The following GNAO1 variants were observed in gnomAD, a reference collection of about 807,000 sequenced individuals.
GNAO1 encodes G protein subunit alpha o1, also known as guanine nucleotide-binding protein G(o) subunit alpha.
For missense variants in GNAO1, 166 were observed against 478.7 expected, an observed-to-expected ratio of 0.35 and a Z score of 6.10; for synonymous variants, 164 against 180.7, an observed-to-expected ratio of 0.91 and a Z score of 0.74.
intron 2 of GNAO1, among the ~76,000 whole-genome samples, chr16:56,232,712 ATG>A (rs1224415093): frequency 6.6e-6 from 1 of 152,190 alleles, no homozygotes; most frequent in Non-Finnish European, 1.5e-5. Flanking sequence ...TTATACAGTT[ATG>A]GCTTTTTGTT....
At chr16:56,264,240 T>C (rs545261964) in intron 2 of GNAO1, among the ~76,000 whole-genome samples, 9 of 152,352 alleles carry the variant, frequency 5.9e-5, no homozygotes, top group African/African-American at 2.2e-4. Context: ...AGTCACGATA[T>C]CTGTAATCTA....
chr16:56,315,763 G>A (rs894483819), intron 3 of GNAO1, among the ~76,000 whole-genome samples: 2 of 152,036 alleles, frequency 1.3e-5, no homozygotes. Flanking sequence ...GTGAGCAGGG[G>A]CCAGGCACAG....
At chr16:56,244,359 CTT>C (rs2036722045) in intron 2 of GNAO1, among the ~76,000 whole-genome samples, 1 of 143,282 alleles carries the variant, frequency 7.0e-6, no homozygotes, top group South Asian at 2.2e-4. Flanking sequence ...ATGGATAACA[CTT>C]AGCATAAAAA....
chr16:56,338,053 G>A (rs553420715), intron 6 of GNAO1, among the ~76,000 whole-genome samples: 1 of 152,274 alleles, frequency 6.6e-6, no homozygotes, highest in East Asian at 1.9e-4. Flanking sequence ...CTGTTTCCTC[G>A]TCATTTCTGG....
intron 6 of GNAO1, chr16:56,346,744 C>T: frequency 1.0e-6 from 1 of 985,732 alleles, no homozygotes. Flanking sequence ...CACAGCCCAG[C>T]TCCCACTGGC....
intron 2 of GNAO1, among the ~76,000 whole-genome samples, chr16:56,239,041 G>T (rs55800187): frequency 0.017 from 2,641 of 152,294 alleles, 48 homozygotes; most frequent in South Asian, 0.053. Flanking sequence ...ATCTCTGGAA[G>T]ATTTTTCCTT....
chr16:56,328,374 C>G (rs983351917), intron 3 of GNAO1, among the ~76,000 whole-genome samples: 1 of 152,258 alleles, frequency 6.6e-6, no homozygotes, highest in Non-Finnish European at 1.5e-5. Context: ...CCCCAGAAAA[C>G]TCTGGGGCCC....
intron 3 of GNAO1, 132 bp downstream of exon 3, chr16:56,276,204 G>T: frequency 1.4e-6 from 1 of 728,522 alleles, no homozygotes; most frequent in South Asian, 2.6e-5. Flanking sequence ...ATATATGGTG[G>T]CACAGTCACC....
rs1221053918 is a variant in GNAO1, at chr16:56,326,169, G to A, written c.304-2462G>A. 3.3e-5 allele frequency among the ~76,000 whole-genome samples: 5 copies of A among 152,180 alleles called. No individual in the cohort carries two copies. Among genetic ancestry groups the A allele is most frequent in the East Asian group, 1.9e-4 (1 of 5,180 alleles). Reference sequence around the variant, plus strand: ...CCTCTTCCTGTCGCTGGGACATCTCGCAGTGCCACTCTGCTGGTGCACACC... The same window carrying A: ...CCTCTTCCTGTCGCTGGGACATCTCACAGTGCCACTCTGCTGGTGCACACC... On this transcript the variant is annotated intron_variant, in intron 3 of 8. Coordinates refer to ENST00000262493, the MANE Select transcript of GNAO1 (RefSeq NM_020988.3). This position sits in a 1 kb window ranked among gnomAD's most constrained non-coding sequence, Gnocchi z 4.8.
intron 6 of GNAO1, among the ~76,000 whole-genome samples, chr16:56,338,703 G>T (rs1246627120): frequency 6.6e-6 from 1 of 152,250 alleles, no homozygotes; most frequent in Non-Finnish European, 1.5e-5. Flanking sequence ...CGGCCATGGG[G>T]CTGGGCTCTC....
At chr16:56,291,773 T>C (rs2037235055) in intron 3 of GNAO1, among the ~76,000 whole-genome samples, 1 of 152,138 alleles carries the variant, frequency 6.6e-6, no homozygotes, top group African/African-American at 2.4e-5. Flanking sequence ...ACCAGCAGAT[T>C]TGCTGTCTGG....
chr16:56,202,854 G>A (rs2036292678), intron 2 of GNAO1, among the ~76,000 whole-genome samples: 1 of 152,206 alleles, frequency 6.6e-6, no homozygotes, highest in South Asian at 2.1e-4. Context: ...CACCTATTAT[G>A]CATTAGGCAC....
chr16:56,242,302 T>A (rs2036701109), intron 2 of GNAO1, among the ~76,000 whole-genome samples: 1 of 152,206 alleles, frequency 6.6e-6, no homozygotes, highest in African/African-American at 2.4e-5. Context: ...GTGCCTTCTT[T>A]GTAGAAATTG....
At position 56,192,035 on chromosome 16, in the gene GNAO1, G is replaced by A. The variant is rs1305645299; in HGVS notation, c.-201G>A. 3 of 579,426 alleles carry A rather than the reference G, an allele frequency of 5.2e-6. No homozygotes were observed. Among genetic ancestry groups the A allele is most frequent in the East Asian group, 2.9e-5 (1 of 34,910 alleles). The allele number at this position is 579,426 out of a possible 1,614,324, so 35.9% of individuals were successfully genotyped here. A position where few individuals can be genotyped will look rare whatever the true frequency, so the allele number is the denominator to read the frequency against. On this transcript the variant is annotated 5_prime_UTR_variant, in exon 1 of 9. Transcript: ENST00000262493. ...CCCAGACCCCTGCCAGCTGCCGCGA[G>A]TCTCCGCTGCTGGAATCTTGTTAGC...
chr16:56,299,643 C>T (rs2037322119), intron 3 of GNAO1, among the ~76,000 whole-genome samples: 2 of 152,204 alleles, frequency 1.3e-5, no homozygotes, highest in African/African-American at 4.8e-5. Flanking sequence ...TTCTAAAAGC[C>T]TCCTGATCAC....
chr16:56,349,763 C>T (rs2037904337), intron 6 of GNAO1, among the ~76,000 whole-genome samples: 1 of 152,138 alleles, frequency 6.6e-6, no homozygotes, highest in Non-Finnish European at 1.5e-5. Context: ...CGCTGCCCTC[C>T]GCCGACCAAC....
At chr16:56,232,001 C>T (rs1206883962) in intron 2 of GNAO1, among the ~76,000 whole-genome samples, 1 of 152,158 alleles carries the variant, frequency 6.6e-6, no homozygotes, top group Admixed American at 6.5e-5. Context: ...AGGAGGGGGG[C>T]CCAGACCATC....
intron 4 of GNAO1, among the ~76,000 whole-genome samples, chr16:56,334,364 A>T (rs573452774): frequency 6.6e-6 from 1 of 152,348 alleles, no homozygotes; most frequent in Admixed American, 6.5e-5. Flanking sequence ...TACACATGAA[A>T]CATGGTTACA....
intron 2 of GNAO1, among the ~76,000 whole-genome samples, chr16:56,207,617 G>C: frequency 6.6e-6 from 1 of 152,110 alleles, no homozygotes; most frequent in Non-Finnish European, 1.5e-5. Context: ...TGATTATTCA[G>C]CAAATATTTA....
Sources: allele counts gnomAD v4.1 joint callset (sites outside exome capture counted in the v4.1 genomes callset), GRCh38; gene constraint gnomAD v4.1.1; non-coding constraint Gnocchi (gnomAD v3.1); transcripts MANE v1.5; gene names NCBI Gene and HGNC (gene_info 2026-07-23, HGNC 2026-07-21).